Variants in ELMO1 observed in about 807,000 individuals in gnomAD.
The protein encoded by ELMO1 is engulfment and cell motility protein 1.
Under a neutral mutation model 98.9 loss-of-function variants are expected in ELMO1, and 26 were observed. The ratio of observed to expected loss-of-function variants is 0.26; its 90% confidence interval spans 0.19 to 0.36. ELMO1 has a LOEUF of 0.36. ELMO1 is among the 10% of genes least tolerant of loss of function. The pLI is 1.00. For synonymous variants in ELMO1, 346 were observed against 346.0 expected, an observed-to-expected ratio of 1.00 and a Z score of 0.00; for missense variants, 627 against 935.2, an observed-to-expected ratio of 0.67 and a Z score of 4.30.
chr7:37,082,638 G>A (rs753700627), intron 15 of ELMO1, among the ~76,000 whole-genome samples: 8 of 152,126 alleles, frequency 5.3e-5, no homozygotes, highest in Non-Finnish European at 1.5e-5. Context: ...GGCTGATATG[G>A]GAGGATCACT....
At chr7:37,231,364 G>A (rs968866619) in intron 8 of ELMO1, among the ~76,000 whole-genome samples, 1 of 152,070 alleles carries the variant, frequency 6.6e-6, no homozygotes, top group Non-Finnish European at 1.5e-5. Context: ...TTTACAGTGG[G>A]GAGATCCTAC....
chr7:36,914,339 C>T (rs1784540436), intron 16 of ELMO1, among the ~76,000 whole-genome samples: 2 of 152,132 alleles, frequency 1.3e-5, no homozygotes, highest in African/African-American at 4.8e-5. Flanking sequence ...GCAAACTAAA[C>T]GTCCTTTGCT....
At chr7:37,034,875 T>C (rs1795091811) in intron 15 of ELMO1, among the ~76,000 whole-genome samples, 1 of 152,214 alleles carries the variant, frequency 6.6e-6, no homozygotes, top group Non-Finnish European at 1.5e-5. Flanking sequence ...AAAAGTGTTC[T>C]TTTTGTCCAG....
intron 19 of ELMO1, among the ~76,000 whole-genome samples, chr7:36,875,569 G>A (rs1234144940): frequency 1.3e-5 from 2 of 152,184 alleles, no homozygotes; most frequent in Non-Finnish European, 2.9e-5. Context: ...GGTCAGGAGG[G>A]GCTGTCACAA....
At chr7:37,220,702 T>A (rs1193084830) in intron 10 of ELMO1, among the ~76,000 whole-genome samples, 1 of 152,206 alleles carries the variant, frequency 6.6e-6, no homozygotes, top group Non-Finnish European at 1.5e-5. Context: ...GTGTTTGGTA[T>A]AAAATAAGAT....
chr7:37,047,470 G>C (rs1388956356), intron 15 of ELMO1, among the ~76,000 whole-genome samples: 1 of 152,194 alleles, frequency 6.6e-6, no homozygotes, highest in Non-Finnish European at 1.5e-5. Flanking sequence ...GATATGTAAG[G>C]GAGGACTAAT....
chr7:37,124,710 T>C lies in ELMO1; in HGVS notation c.1191+8420A>G, dbSNP rs537672440. The stretch of plus-strand genomic sequence containing the variant: ...AATATCATGAAAATGGCCATACTGC[T>C]CAAGGTAATTTATAGATTCAATGCC... On this transcript the variant is annotated intron_variant, in intron 14 of 21. Coordinates refer to ENST00000310758, the MANE Select transcript of ELMO1 (RefSeq NM_014800.11). 7.8e-3 allele frequency among the ~76,000 whole-genome samples: 1,182 copies of C among 152,030 alleles called. 20 individuals are homozygous for C. The highest frequency in any genetic ancestry group is 0.026 in the African/African-American group (1,092 of 41,466).
At chr7:37,149,315 G>A (rs568776912) in intron 13 of ELMO1, among the ~76,000 whole-genome samples, 5 of 152,286 alleles carry the variant, frequency 3.3e-5, no homozygotes, top group African/African-American at 1.2e-4. Flanking sequence ...TGGTGACGAT[G>A]GTGATAACAA....
chr7:37,158,181 A>T (rs569391790), intron 13 of ELMO1, among the ~76,000 whole-genome samples: 3 of 152,322 alleles, frequency 2.0e-5, no homozygotes, highest in African/African-American at 7.2e-5. Flanking sequence ...ACTTAAATGT[A>T]AGACCTAACA....
intron 1 of ELMO1, among the ~76,000 whole-genome samples, chr7:37,444,979 G>C (rs192587674): frequency 2.7e-4 from 41 of 152,292 alleles, no homozygotes; most frequent in Non-Finnish European, 4.6e-4. Flanking sequence ...AGAATCCCTG[G>C]CAAGTTGGTT....
At chr7:36,998,798 G>A (rs1792415146) in intron 16 of ELMO1, among the ~76,000 whole-genome samples, 1 of 152,074 alleles carries the variant, frequency 6.6e-6, no homozygotes, top group South Asian at 2.1e-4. Flanking sequence ...CTTTTGCTCA[G>A]TTATATTCTC....
intron 1 of ELMO1, among the ~76,000 whole-genome samples, chr7:37,393,391 A>G (rs1803163938): frequency 6.6e-6 from 1 of 152,086 alleles, no homozygotes; most frequent in South Asian, 2.1e-4. Flanking sequence ...TTCAAATTTC[A>G]CCAAATGTCC....
intron 13 of ELMO1, among the ~76,000 whole-genome samples, chr7:37,146,806 A>G (rs1788019003): frequency 6.6e-6 from 1 of 152,176 alleles, no homozygotes; most frequent in Non-Finnish European, 1.5e-5. Flanking sequence ...TAACTGTGAC[A>G]AGGTGTTGGC....
chr7:37,147,277 C>A (rs1017600352), intron 13 of ELMO1, among the ~76,000 whole-genome samples: 7 of 152,118 alleles, frequency 4.6e-5, no homozygotes, highest in Non-Finnish European at 1.0e-4. Flanking sequence ...AGATTCTAAG[C>A]CCCCTGGATT....
At chr7:37,216,152 C>G (rs1793270138) in intron 11 of ELMO1, among the ~76,000 whole-genome samples, 2 of 150,456 alleles carry the variant, frequency 1.3e-5, no homozygotes, top group African/African-American at 4.9e-5. Context: ...TTTTTTCCAC[C>G]AAGGTTTAAG....
chr7:37,004,264 C>T (rs905636369), intron 16 of ELMO1, among the ~76,000 whole-genome samples: 2 of 152,146 alleles, frequency 1.3e-5, no homozygotes, highest in Non-Finnish European at 2.9e-5. Context: ...ATTATCAAAC[C>T]TTTCATATAA....
chr7:36,935,226 G>A (rs1025657437), intron 16 of ELMO1, among the ~76,000 whole-genome samples: 2 of 152,074 alleles, frequency 1.3e-5, no homozygotes, highest in Non-Finnish European at 2.9e-5. Flanking sequence ...CTTTTGCTTG[G>A]CTCTTACTCT....
chr7:36,955,091 C>A (rs1004501290), intron 16 of ELMO1, among the ~76,000 whole-genome samples: 1 of 152,184 alleles, frequency 6.6e-6, no homozygotes, highest in Non-Finnish European at 1.5e-5. Context: ...ATGCCTCACA[C>A]GTTGTATCTT....
intron 17 of ELMO1, among the ~76,000 whole-genome samples, chr7:36,894,563 G>C (rs1805830856): frequency 6.6e-6 from 1 of 152,198 alleles, no homozygotes; most frequent in African/African-American, 2.4e-5. Context: ...ATTGTTCCAA[G>C]TGTTGGAAAA....
Sources: allele counts gnomAD v4.1 joint callset (sites outside exome capture counted in the v4.1 genomes callset), GRCh38; gene constraint gnomAD v4.1.1; transcripts MANE v1.5; gene names NCBI Gene and HGNC (gene_info 2026-07-23, HGNC 2026-07-21).